Variants in GPATCH2 observed in about 807,000 individuals in gnomAD.
The protein encoded by GPATCH2 is G-patch domain containing 2.
GPATCH2 carries 51 observed loss-of-function variants against 58.0 expected under a neutral mutation model. The observed-to-expected ratio is 0.88, with a 90% CI of 0.70 to 1.11. The LOEUF (loss-of-function observed/expected upper bound fraction) is 1.11, where lower values mean the gene tolerates loss of function less well. Among genes scored for constraint, GPATCH2 ranks in the 50% most tolerant of loss-of-function variants. The pLI, the probability that GPATCH2 is intolerant of heterozygous loss-of-function variation, is 0.00. For synonymous variants in GPATCH2, 222 were observed against 218.5 expected (o/e 1.02, Z -0.14); for missense variants, 625 against 652.2 (o/e 0.96, Z 0.45).
intron 6 of GPATCH2, among the ~76,000 whole-genome samples, chr1:217,501,018 T>C (rs1662270054): frequency 1.3e-5 from 2 of 152,100 alleles, no homozygotes; most frequent in African/African-American, 4.8e-5. Context: ...CTGAGACTGA[T>C]ACAGACTAGA....
intron 2 of GPATCH2, among the ~76,000 whole-genome samples, chr1:217,616,239 T>C (rs977758698): frequency 6.6e-6 from 1 of 152,134 alleles, no homozygotes; most frequent in Non-Finnish European, 1.5e-5. Flanking sequence ...TGATAAACTA[T>C]GCACACACAC....
intron 6 of GPATCH2, among the ~76,000 whole-genome samples, chr1:217,499,714 C>T (rs1485459550): frequency 6.7e-6 from 1 of 150,154 alleles, no homozygotes; most frequent in Non-Finnish European, 1.5e-5. Flanking sequence ...TAAGATATTT[C>T]CCCTGTTTTG....
Position 217,598,981 on chromosome 1 carries a change from G to A in GPATCH2, c.1098+11340C>T, listed in dbSNP as rs148973278. ...CAGAGTGACCTCAAAAGTGTGAAGA[G>A]TTGGGGAAGGTTTTGAAAAAAAGGT... is the stretch of plus-strand genomic sequence containing the variant. On this transcript the variant is annotated intron_variant, in intron 5 of 9. Coordinates refer to ENST00000366935, the MANE Select transcript of GPATCH2 (RefSeq NM_018040.5). Among the ~76,000 whole-genome samples the A allele has an allele frequency of 2.2e-3, 337 of 152,240 alleles. 2 individuals are homozygous for A. Among genetic ancestry groups the A allele is most frequent in the African/African-American group, 7.5e-3 (311 of 41,540 alleles).
intron 8 of GPATCH2, among the ~76,000 whole-genome samples, chr1:217,478,778 T>C (rs865882442): frequency 1.3e-5 from 2 of 152,124 alleles, no homozygotes; most frequent in East Asian, 1.9e-4. Context: ...AAGAAGGTTA[T>C]AGAACACTAA....
intron 8 of GPATCH2, among the ~76,000 whole-genome samples, chr1:217,484,061 ACTTTT>A (rs1485201861): frequency 3.3e-5 from 5 of 152,276 alleles, no homozygotes; most frequent in African/African-American, 1.2e-4. Context: ...TATGTTGGTT[ACTTTT>A]AACCAACATA....
intron 5 of GPATCH2, among the ~76,000 whole-genome samples, chr1:217,540,608 G>T (rs1201801217): frequency 6.6e-6 from 1 of 152,122 alleles, no homozygotes; most frequent in Non-Finnish European, 1.5e-5. Context: ...CACAGTGTTT[G>T]CACAATAGTG....
chr1:217,525,840 C>T (rs547716184), intron 5 of GPATCH2, among the ~76,000 whole-genome samples: 1 of 152,188 alleles, frequency 6.6e-6, no homozygotes, highest in Admixed American at 6.5e-5. Context: ...TCTACATGCA[C>T]ATTTTAAAAA....
At chr1:217,529,636 T>A (rs1323762758) in intron 5 of GPATCH2, among the ~76,000 whole-genome samples, 4 of 152,188 alleles carry the variant, frequency 2.6e-5, no homozygotes, top group African/African-American at 9.6e-5. Context: ...TCTTTATAAA[T>A]TATTCAGTCT....
At chr1:217,577,617 TC>T (rs1214414158) in intron 5 of GPATCH2, among the ~76,000 whole-genome samples, 3 of 152,162 alleles carry the variant, frequency 2.0e-5, no homozygotes, top group Non-Finnish European at 4.4e-5. Context: ...CAGAAAAAAT[TC>T]AGTTTTGTTA....
Position 217,560,240 on chromosome 1 carries a change from C to G in GPATCH2, c.1099-45351G>C, listed in dbSNP as rs189807791. Among the ~76,000 whole-genome samples the G allele has an allele frequency of 1.6e-3, 248 of 152,274 alleles. 1 individual carries two copies. Among genetic ancestry groups the G allele is most frequent in the Non-Finnish European group, 2.2e-3 (149 of 68,018 alleles). On this transcript the variant is annotated intron_variant, in intron 5 of 9. Coordinates refer to ENST00000366935, the MANE Select transcript of GPATCH2 (RefSeq NM_018040.5). ...AGAAGCTTGTACTCCAAGAGCCTTG[C>G]CTACATCCACCTTGTGAGTGCATGC... is the stretch of plus-strand genomic sequence containing the variant.
In GPATCH2 at chr1:217,610,986, C is replaced by T. The variant is rs1558524199; in HGVS notation, c.921G>A (p.Lys307=). 1 of 1,613,324 alleles carries T rather than the reference C, an allele frequency of 6.2e-7. No individual in the cohort carries two copies. Among genetic ancestry groups the T allele is most frequent in the African/African-American group, 1.3e-5 (1 of 74,932 alleles). ...TTTTGTCTAGCTCAGTAGGATCTTCCTTTTCCCACCAGGGCACAACTCCAG... is the reference window on the plus strand; with the variant it reads ...TTTTGTCTAGCTCAGTAGGATCTTCTTTTTCCCACCAGGGCACAACTCCAG... The part of the protein sequence containing the change: ...GITGVVPWWE[K]EDPTELDKNV... Residue 307 remains lysine (K), a synonymous_variant, in exon 4 of 10, where the codon AAG becomes AAA. Coordinates refer to ENST00000366935, the MANE Select transcript of GPATCH2 (RefSeq NM_018040.5).
intron 8 of GPATCH2, among the ~76,000 whole-genome samples, chr1:217,450,666 T>C (rs1048827738): frequency 1.3e-5 from 2 of 152,102 alleles, no homozygotes; most frequent in African/African-American, 4.8e-5. Context: ...ATTATTAAAA[T>C]ATTTCAAAAA....
intron 5 of GPATCH2, among the ~76,000 whole-genome samples, chr1:217,607,261 C>A (rs1343074859): frequency 6.6e-6 from 1 of 152,156 alleles, no homozygotes; most frequent in African/African-American, 2.4e-5. Flanking sequence ...CCGACATACA[C>A]GTGCATTCCT....
At chr1:217,608,586 T>G in intron 5 of GPATCH2, 1 of 985,236 alleles carries the variant, frequency 1.0e-6, no homozygotes, top group Non-Finnish European at 1.2e-6. Context: ...AAGCAAGCAG[T>G]GAACCAAAAA....
chr1:217,496,443 G>C (rs1187758846), intron 7 of GPATCH2, among the ~76,000 whole-genome samples: 1 of 151,906 alleles, frequency 6.6e-6, no homozygotes, highest in African/African-American at 2.4e-5. Context: ...TGAGTTTTTT[G>C]GGTTTTTTGT....
chr1:217,487,425 CT>C (rs556623228), intron 8 of GPATCH2, among the ~76,000 whole-genome samples: 3,963 of 137,192 alleles, frequency 0.029, 111 homozygotes, highest in African/African-American at 0.09. Flanking sequence ...AAGAGTACTT[CT>C]TTTTTTTTTT....
chr1:217,543,374 A>T (rs1056288669), intron 5 of GPATCH2, among the ~76,000 whole-genome samples: 2 of 144,542 alleles, frequency 1.4e-5, no homozygotes, highest in African/African-American at 5.1e-5. Flanking sequence ...GGTTCACGCC[A>T]TTCTCCTGCC....
chr1:217,569,493 G>C (rs575259251), intron 5 of GPATCH2, among the ~76,000 whole-genome samples: 1 of 152,042 alleles, frequency 6.6e-6, no homozygotes, highest in South Asian at 2.1e-4. Flanking sequence ...TCAGCAGTTC[G>C]AGACCAGCCC....
At chr1:217,458,635 GT>G in intron 8 of GPATCH2, among the ~76,000 whole-genome samples, 1 of 151,964 alleles carries the variant, frequency 6.6e-6, no homozygotes, top group South Asian at 2.1e-4. Context: ...CCATATATAT[GT>G]GCTAACATTA....
Sources: allele counts gnomAD v4.1 joint callset (sites outside exome capture counted in the v4.1 genomes callset), GRCh38; gene constraint gnomAD v4.1.1; transcripts MANE v1.5; gene names NCBI Gene and HGNC (gene_info 2026-07-23, HGNC 2026-07-21).